RBFOX1: variants seen among roughly 807,000 people sequenced by gnomAD.
RBFOX1 encodes RNA binding protein fox-1 homolog 1.
Under a neutral mutation model 57.7 loss-of-function variants are expected in RBFOX1, and 8 were observed. The ratio of observed to expected loss-of-function variants is 0.14; its 90% confidence interval spans 0.08 to 0.25. The LOEUF (loss-of-function observed/expected upper bound fraction) is 0.25. Ranked by LOEUF, RBFOX1 falls within the 10% of genes least tolerant of loss-of-function variation. The pLI is 1.00. For missense variants in RBFOX1, 611 were observed against 548.5 expected (o/e 1.11, Z -1.14); for synonymous variants, 326 against 222.4 (o/e 1.47, Z -4.15).
At chr16:6,300,022 A>T (rs78840636) in intron 1 of RBFOX1, among the ~76,000 whole-genome samples, 5,532 of 152,280 alleles carry the variant, frequency 0.036, 152 homozygotes, top group Middle Eastern at 0.13. Flanking sequence ...AAAGACAAGG[A>T]CATTCTGTCA....
At chr16:6,110,411 A>G (rs1229913206) in intron 1 of RBFOX1, among the ~76,000 whole-genome samples, 1 of 152,218 alleles carries the variant, frequency 6.6e-6, no homozygotes, top group African/African-American at 2.4e-5. Flanking sequence ...TTTTCAGAAG[A>G]TGATCCTATT....
At chr16:5,314,315 TG>T (rs2064172283) in intron 1 of RBFOX1, among the ~76,000 whole-genome samples, 1 of 152,142 alleles carries the variant, frequency 6.6e-6, no homozygotes, top group Admixed American at 6.5e-5. Flanking sequence ...TAGGGAAATG[TG>T]GAGTGTGGAG....
chr16:6,002,232 C>G (rs2060614514), intron 4 of RBFOX1, among the ~76,000 whole-genome samples: 1 of 152,166 alleles, frequency 6.6e-6, no homozygotes, highest in African/African-American at 2.4e-5. Context: ...CCGCCCCAGC[C>G]TGCCAAAGTT....
chr16:5,771,057 T>C (rs1261544124), intron 3 of RBFOX1, among the ~76,000 whole-genome samples: 1 of 152,196 alleles, frequency 6.6e-6, no homozygotes, highest in African/African-American at 2.4e-5. Context: ...AACCTGAGGC[T>C]GCCTCCCAGA....
chr16:7,447,721 T>G (rs1379101649), intron 4 of RBFOX1, among the ~76,000 whole-genome samples: 16 of 152,248 alleles, frequency 1.1e-4, no homozygotes, highest in Admixed American at 1.0e-3. Context: ...TCCTCTTCTT[T>G]TATTAAGCAA....
intron 1 of RBFOX1, among the ~76,000 whole-genome samples, chr16:6,243,471 T>C (rs1183482161): frequency 6.6e-6 from 1 of 152,060 alleles, no homozygotes; most frequent in Non-Finnish European, 1.5e-5. Flanking sequence ...GAGACCTGCT[T>C]TCCAGCTGCA....
rs144068893 is a variant in RBFOX1, at chr16:6,719,245, A to G, written c.-16+64595A>G. ...TTTCCTTCATAGTATTCAATATTAA[A>G]TAGTATTTAAATAGAAATACTAGGA... On this transcript the variant is annotated intron_variant, in intron 3 of 15. Coordinates refer to ENST00000550418, the MANE Select transcript of RBFOX1 (RefSeq NM_018723.4). 4.7e-3 allele frequency among the ~76,000 whole-genome samples: 711 copies of G among 152,250 alleles called. 2 individuals carry two copies. The highest frequency in any genetic ancestry group is 0.016 in the African/African-American group (670 of 41,540).
intron 3 of RBFOX1, among the ~76,000 whole-genome samples, chr16:6,899,929 G>C (rs886933648): frequency 2.8e-4 from 43 of 152,248 alleles, no homozygotes; most frequent in African/African-American, 9.9e-4. Context: ...ATAACCATTT[G>C]AACTATGTTT....
rs143296204 is a variant in RBFOX1 at position 5,555,203 on chromosome 16, A to G, written c.259-43699A>G. Among the ~76,000 whole-genome samples the G allele has an allele frequency of 3.2e-3, 485 of 152,304 alleles. 3 individuals are homozygous for G. The highest frequency in any genetic ancestry group is 0.011 in the African/African-American group (450 of 41,578). Reference sequence around the variant, plus strand: ...TTGATTCAGTGGATAGAATGGAACTATTAGGTTGGTGCAAAAGTAATTGCG... The same window carrying G: ...TTGATTCAGTGGATAGAATGGAACTGTTAGGTTGGTGCAAAAGTAATTGCG... On this transcript the variant is annotated intron_variant, in intron 2 of 2. Transcript: ENST00000585867.
chr16:6,469,567 A>G (rs965019681), intron 2 of RBFOX1, among the ~76,000 whole-genome samples: 26 of 152,344 alleles, frequency 1.7e-4, no homozygotes, highest in African/African-American at 6.3e-4. Context: ...GAGGTATCTC[A>G]GCACTCAAGA....
At chr16:5,613,741 T>G (rs534402523) in intron 3 of RBFOX1, among the ~76,000 whole-genome samples, 1 of 152,200 alleles carries the variant, frequency 6.6e-6, no homozygotes, top group Admixed American at 6.5e-5. Context: ...AGGGCTTCTT[T>G]GCACATCTCC....
intron 1 of RBFOX1, among the ~76,000 whole-genome samples, chr16:5,339,043 A>G (rs545474976): frequency 1.3e-5 from 2 of 152,162 alleles, no homozygotes; most frequent in Non-Finnish European, 2.9e-5. Context: ...ATCTCTCAAT[A>G]ATTTTCAGGT....
intron 1 of RBFOX1, among the ~76,000 whole-genome samples, chr16:6,264,551 A>G (rs1477566807): frequency 6.6e-6 from 1 of 152,086 alleles, no homozygotes; most frequent in African/African-American, 2.4e-5. Flanking sequence ...TCACATCACT[A>G]CAGCCACAGG....
intron 2 of RBFOX1, among the ~76,000 whole-genome samples, chr16:6,422,722 C>T (rs1403457322): frequency 1.3e-5 from 2 of 152,146 alleles, no homozygotes; most frequent in Non-Finnish European, 2.9e-5. Context: ...AACTCTTTCA[C>T]TAGCACAAAA....
At chr16:5,743,742 T>G (rs1006416584) in intron 3 of RBFOX1, among the ~76,000 whole-genome samples, 1 of 152,188 alleles carries the variant, frequency 6.6e-6, no homozygotes, top group African/African-American at 2.4e-5. Context: ...AAGGCCTTGC[T>G]GTGTTGCCCT....
At chr16:5,347,781 T>C (rs2065174386) in intron 1 of RBFOX1, among the ~76,000 whole-genome samples, 1 of 128,186 alleles carries the variant, frequency 7.8e-6, no homozygotes, top group Non-Finnish European at 1.6e-5. Context: ...CACCCACCCA[T>C]TGGTCTATCC....
chr16:7,058,968 C>T (rs1225747772), intron 4 of RBFOX1, among the ~76,000 whole-genome samples: 1 of 152,060 alleles, frequency 6.6e-6, no homozygotes, highest in Non-Finnish European at 1.5e-5. Context: ...TCATGGTACC[C>T]GCCTTGTGAA....
chr16:5,365,878 A>G (rs2151354897), intron 1 of RBFOX1: 1 of 509,006 alleles, frequency 2.0e-6, no homozygotes, highest in Non-Finnish European at 3.9e-6. Context: ...GCTGACAAAG[A>G]TGATCACTTC....
intron 4 of RBFOX1, among the ~76,000 whole-genome samples, chr16:5,955,223 G>C (rs2059603025): frequency 6.9e-6 from 1 of 145,270 alleles, no homozygotes; most frequent in Non-Finnish European, 1.5e-5. Flanking sequence ...TGAGGCTGTA[G>C]TGAGCCAAGA....
Sources: allele counts gnomAD v4.1 joint callset (sites outside exome capture counted in the v4.1 genomes callset), GRCh38; gene constraint gnomAD v4.1.1; transcripts MANE v1.5; gene names NCBI Gene and HGNC (gene_info 2026-07-23, HGNC 2026-07-21).